Variants in CLK4 observed in about 807,000 individuals in gnomAD.
CLK4 encodes the protein CDC like kinase 4.
CLK4 carries 37 observed loss-of-function variants against 64.4 expected under a neutral mutation model. The ratio of observed to expected loss-of-function variants is 0.57; its 90% CI spans 0.44 to 0.76. CLK4 has a LOEUF of 0.76. Ranked by LOEUF, CLK4 falls within the 30% of genes least tolerant of loss-of-function variation. The probability of loss-of-function intolerance (pLI) is 0.00; values close to 1 mark genes in which losing one functional copy is unlikely to be tolerated. For missense variants in CLK4, 457 were observed against 605.1 expected (o/e 0.76, Z 2.57); for synonymous variants, 175 against 191.6 (o/e 0.91, Z 0.72).
intron 10 of CLK4, among the ~76,000 whole-genome samples, chr5:178,607,801 C>G (rs538857628): frequency 9.2e-5 from 14 of 151,746 alleles, no homozygotes; most frequent in Middle Eastern, 3.5e-3. Context: ...TGAGCTACCC[C>G]GCCTGGCCCT....
intron 5 of CLK4, among the ~76,000 whole-genome samples, chr5:178,614,247 G>A (rs73807638): frequency 0.01 from 1,553 of 152,264 alleles, 32 homozygotes; most frequent in African/African-American, 0.036. Flanking sequence ...GTGTCCCTAC[G>A]TACTTCAAAG....
Position 178,603,465 on chromosome 5 carries a change from T to G in CLK4, c.*152A>C. ...TCAAGACCATACTTGCTTAACAAGT[T>G]AATTATGCTATTGATACAAAACATA... On this transcript the variant is annotated 3_prime_UTR_variant, in exon 13 of 13. Coordinates refer to ENST00000316308, the MANE Select transcript of CLK4 (RefSeq NM_020666.3). 2.1e-6 allele frequency: 1 copy of G among 479,218 alleles called. No individual in the cohort carries two copies. The highest frequency in any genetic ancestry group is 3.5e-6 in the Non-Finnish European group (1 of 289,212). 29.7% of individuals were successfully genotyped at this position (479,218 alleles called of 1,614,324 possible).
In CLK4 at chr5:178,612,505, A is replaced by G. The variant is rs1476091681; in HGVS notation, c.962T>C (p.Val321Ala). The G allele has an allele frequency of 6.2e-7, 1 of 1,614,122 alleles. No homozygotes were observed. The highest frequency in any genetic ancestry group is 8.5e-7 in the Non-Finnish European group (1 of 1,179,972). Reference protein sequence around the residue: ...ERTLKNTDIKVVDFGSATYDD... With the variant: ...ERTLKNTDIKAVDFGSATYDD... Reference sequence around the variant, plus strand: ...ATACGTTGCACTTCCAAAGTCAACAACTTTGATATCTGTGTTTTTCAGTGT... The same window carrying G: ...ATACGTTGCACTTCCAAAGTCAACAGCTTTGATATCTGTGTTTTTCAGTGT... The change falls in exon 9 of 13, where the codon GTT becomes GCT. Residue 321 changes from valine to alanine, a missense_variant. Coordinates refer to ENST00000316308, the MANE Select transcript of CLK4 (RefSeq NM_020666.3).
chr5:178,612,947 G>C, intron 7 of CLK4, 57 bp from the exon 8 acceptor site: 1 of 836,046 alleles, frequency 1.2e-6, no homozygotes, highest in Non-Finnish European at 2.0e-6. Context: ...TTTGTACTAG[G>C]AGGGAAAGGA....
intron 9 of CLK4, among the ~76,000 whole-genome samples, chr5:178,611,535 C>T (rs1764557512): frequency 6.6e-6 from 1 of 152,212 alleles, no homozygotes; most frequent in Non-Finnish European, 1.5e-5. Context: ...AGAAATGGAA[C>T]ATTTCCGTCA....
At position 178,613,596 on chromosome 5, in the gene CLK4, C is replaced by G. The variant is rs1280472393; in HGVS notation, c.703G>C (p.Val235Leu). The G allele has an allele frequency of 6.2e-7, 1 of 1,610,312 alleles. No individual in the cohort carries two copies. Among genetic ancestry groups the G allele is most frequent in the Admixed American group, 1.7e-5 (1 of 58,970 alleles). ...CCCAGTAGTTCAAACACAATACAAA[C>G]ATGACCATGATGATCAAACCATTCT... ...MLEWFDHHGH[V>L]CIVFELLGLS... The change falls in exon 7 of 13, where the codon GTT (valine) becomes CTT (leucine). Residue 235 changes from valine to leucine, a missense_variant. Transcript: ENST00000316308.
At chr5:178,619,308 TAAC>T (rs1450410123) in intron 2 of CLK4, among the ~76,000 whole-genome samples, 1 of 152,248 alleles carries the variant, frequency 6.6e-6, no homozygotes, top group East Asian at 1.9e-4. Context: ...CAAGGTTGTA[TAAC>T]AACATTAGTG....
At position 178,613,757 on chromosome 5, in the gene CLK4, T is replaced by A. The variant is rs1318860903; in HGVS notation, c.629A>T (p.His210Leu). The A allele has an allele frequency of 1.2e-6, 2 of 1,614,118 alleles. No individual in the cohort carries two copies. Among genetic ancestry groups the A allele is most frequent in the Non-Finnish European group, 8.5e-7 (1 of 1,179,956 alleles). ...ACTATTGGGATCAGTACTATTTAAG[T>A]GCTCTAATACTTGGATTTCTGAACG... The part of the protein sequence containing the change: ...AARSEIQVLE[H>L]LNSTDPNSVF... The change falls in exon 6 of 13, where the codon CAC becomes CTC. Residue 210 changes from histidine to leucine, a missense_variant. His to Leu is a moderately conservative substitution (Grantham distance 99, BLOSUM62 -3). Coordinates refer to ENST00000316308, the MANE Select transcript of CLK4 (RefSeq NM_020666.3).
At chr5:178,623,528 G>A (rs1234262788) in intron 1 of CLK4, 112 bp from the exon 2 acceptor site, 13 of 910,824 alleles carry the variant, frequency 1.4e-5, no homozygotes, top group Admixed American at 4.0e-5. Flanking sequence ...GGTCTTACAG[G>A]CTCCAAAATC....
Position 178,626,735 on chromosome 5 carries a change from C to T in CLK4, c.-1+211G>A, listed in dbSNP as rs769741413. Among the ~76,000 whole-genome samples the T allele has an allele frequency of 8.6e-4, 131 of 152,208 alleles. 2 individuals are homozygous for T. The highest frequency in any genetic ancestry group is 4.6e-4 in the Admixed American group (7 of 15,290). ...GCCTCCGGAGCCGCGACGCGAGCGGCCAGGGCCCTCAGAGAAGGGTCAGCG... is the reference window on the plus strand; with the variant it reads ...GCCTCCGGAGCCGCGACGCGAGCGGTCAGGGCCCTCAGAGAAGGGTCAGCG... On this transcript the variant is annotated intron_variant, in intron 1 of 12. Transcript: ENST00000316308.
At chr5:178,624,461 G>A (rs891539403) in intron 1 of CLK4, among the ~76,000 whole-genome samples, 2 of 152,196 alleles carry the variant, frequency 1.3e-5, no homozygotes, top group African/African-American at 2.4e-5. Flanking sequence ...GATGCACACT[G>A]AAGCATGGTC....
chr5:178,615,767 C>T (rs1764618718), intron 5 of CLK4, among the ~76,000 whole-genome samples: 1 of 152,082 alleles, frequency 6.6e-6, no homozygotes, highest in South Asian at 2.1e-4. Flanking sequence ...TGAAGTTTCG[C>T]AAAAGTTCTA....
chr5:178,612,582 A>AATT (rs1764572441), intron 8 of CLK4, 37 bp from the exon 9 acceptor site: 1 of 1,604,224 alleles, frequency 6.2e-7, no homozygotes, highest in African/African-American at 1.3e-5. Flanking sequence ...GAAACTCAAT[A>AATT]GATACATTTT....
intron 9 of CLK4, among the ~76,000 whole-genome samples, chr5:178,610,987 C>T (rs1013638393): frequency 2.6e-5 from 4 of 151,412 alleles, no homozygotes; most frequent in East Asian, 2.0e-4. Flanking sequence ...TTAGGAGAAT[C>T]GCGCGAACCT....
rs759622548 is a variant in CLK4 at position 178,603,710 on chromosome 5, C to T, written c.1353G>A (p.Leu451=). 8 of 1,604,434 alleles carry T rather than the reference C, an allele frequency of 5.0e-6. No individual in the cohort carries two copies. Among genetic ancestry groups the T allele is most frequent in the Non-Finnish European group, 5.9e-6 (7 of 1,176,864 alleles). The change falls in exon 13 of 13, where the codon CTG becomes CTA. Residue 451 remains leucine, a synonymous_variant. Coordinates refer to ENST00000316308, the MANE Select transcript of CLK4 (RefSeq NM_020666.3). ...HDEEHEKLFD[L]VRRMLEYDPT... ...GATCATATTCTAACATTCTTCGAACCAGGTCAAACAGTTTCTCATGTTCTT... is the reference window on the plus strand; with the variant it reads ...GATCATATTCTAACATTCTTCGAACTAGGTCAAACAGTTTCTCATGTTCTT...
At position 178,608,436 on chromosome 5, in the gene CLK4, A is replaced by G. The variant is rs752767516; in HGVS notation, c.1074T>C (p.Cys358=). 5.6e-6 allele frequency: 9 copies of G among 1,610,502 alleles called. No individual in the cohort carries two copies. The highest frequency in any genetic ancestry group is 7.6e-6 in the Non-Finnish European group (9 of 1,178,846). The change falls in exon 10 of 13, where the codon TGT becomes TGC. Residue 358 remains cysteine, a synonymous_variant. Coordinates refer to ENST00000316308, the MANE Select transcript of CLK4 (RefSeq NM_020666.3). Reference sequence around the variant, plus strand: ...GAATGCAACCTATGCTCCAAACATCACAAGGCTGAGACCAACCTAAAGCTA... The same window carrying G: ...GAATGCAACCTATGCTCCAAACATCGCAAGGCTGAGACCAACCTAAAGCTA... ...VILALGWSQP[C]DVWSIGCILI...
intron 2 of CLK4, chr5:178,620,686 A>T: frequency 2.6e-6 from 1 of 383,136 alleles, no homozygotes; most frequent in Non-Finnish European, 5.2e-6. Context: ...GTGGGAGATA[A>T]AAAAAAAATT....
chr5:178,604,107 T>C (rs898920160), intron 11 of CLK4, 173 bp from the exon 12 acceptor site: 4 of 467,668 alleles, frequency 8.6e-6, no homozygotes, highest in African/African-American at 8.0e-5. Flanking sequence ...GGACACCTCA[T>C]ATCCTCCACC....
intron 1 of CLK4, among the ~76,000 whole-genome samples, chr5:178,626,723 C>T (rs970386291): frequency 2.0e-5 from 3 of 152,188 alleles, no homozygotes; most frequent in African/African-American, 7.2e-5. Flanking sequence ...TCCGGAGCCG[C>T]GACGCGAGCG....
Sources: allele counts gnomAD v4.1 joint callset (sites outside exome capture counted in the v4.1 genomes callset), GRCh38; gene constraint gnomAD v4.1.1; transcripts MANE v1.5; gene names NCBI Gene and HGNC (gene_info 2026-07-23, HGNC 2026-07-21).